PCDHGA2: variants seen among roughly 807,000 people sequenced by gnomAD.
PCDHGA2 encodes protocadherin gamma-A2.
In PCDHGA2, 40 loss-of-function variants were observed where a neutral mutation model predicts 59.2. The ratio of observed to expected loss-of-function variants is 0.68; its 90% CI spans 0.52 to 0.88. The LOEUF is 0.88. Ranked by LOEUF, PCDHGA2 falls within the 40% of genes least tolerant of loss-of-function variation. The probability of loss-of-function intolerance (pLI) is 0.00; values close to 1 mark genes in which losing one functional copy is unlikely to be tolerated. For missense variants in PCDHGA2, 1,226 were observed against 1,204.0 expected, an observed-to-expected ratio of 1.02 and a Z score of -0.27; for synonymous variants, 560 against 526.0, an observed-to-expected ratio of 1.06 and a Z score of -0.89.
At position 141,383,174 on chromosome 5, in the gene PCDHGA2, G is replaced by C. The variant is rs771829169; in HGVS notation, c.2424+41779G>C. The C allele has an allele frequency of 1.1e-5, 18 of 1,613,966 alleles. No individual in the cohort carries two copies. Among genetic ancestry groups the C allele is most frequent in the Non-Finnish European group, 1.3e-5 (15 of 1,179,984 alleles). On this transcript the variant is annotated intron_variant, in intron 1 of 3. Coordinates refer to ENST00000394576, the MANE Select transcript of PCDHGA2 (RefSeq NM_018915.4). ...TTGGTCACTGCGGGCAGGATAGACC[G>C]GGAAGAGATCTGCGCTCAGAGTGCG...
chr5:141,345,732 C>T lies in PCDHGA2; in HGVS notation c.2424+4337C>T, dbSNP rs201819603. 3,767 of 1,614,222 alleles carry T rather than the reference C, an allele frequency of 2.3e-3. 7 individuals carry two copies. The highest frequency in any genetic ancestry group is 2.9e-3 in the Non-Finnish European group (3,407 of 1,180,036). ...CGCGCCCGAGATCCTGTACCCCGCC[C>T]TCCCCACAGACGGTTCCACTGGCGT... On this transcript the variant is annotated intron_variant, in intron 1 of 3. Coordinates refer to ENST00000394576, the MANE Select transcript of PCDHGA2 (RefSeq NM_018915.4).
rs1368226100 is a variant in PCDHGA2, at chr5:141,511,268, C to T, written c.*95C>T. The stretch of plus-strand genomic sequence containing the variant: ...CAGGCCTCAGAGTTTCAGGGCTAAC[C>T]CCCAGAATACTGGTAGGGGCCAAGG... On this transcript the variant is annotated 3_prime_UTR_variant, in exon 4 of 4. Coordinates refer to ENST00000394576, the MANE Select transcript of PCDHGA2 (RefSeq NM_018915.4). 1.9e-6 allele frequency: 3 copies of T among 1,546,408 alleles called. No individual in the cohort carries two copies. The highest frequency in any genetic ancestry group is 2.4e-5 in the East Asian group (1 of 41,246).
At position 141,482,089 on chromosome 5, in the gene PCDHGA2, CAAA is replaced by C. The variant is rs36035257; in HGVS notation, c.2425-12704_2425-12702del. 2.7e-4 allele frequency among the ~76,000 whole-genome samples: 36 copies of C among 134,496 alleles called. No individual in the cohort carries two copies. The East Asian group carries it at 3.5e-3, about 13-fold the overall frequency. The allele number at this position is 134,496 out of a possible 152,430, so 88.2% of individuals were successfully genotyped here. On this transcript the variant is annotated intron_variant, in intron 1 of 3. Coordinates refer to ENST00000394576, the MANE Select transcript of PCDHGA2 (RefSeq NM_018915.4). ...AACAAGAACAAAACTCACTCCATCTCAAAAAAAAAAAAAAAATATCTAGAGATG... is the reference window on the plus strand; with the variant it reads ...AACAAGAACAAAACTCACTCCATCTCAAAAAAAAAAAAATATCTAGAGATG...
At chr5:141,478,618 G>A (rs1374855853) in intron 1 of PCDHGA2, 1 of 1,556,056 alleles carries the variant, frequency 6.4e-7, no homozygotes, top group Non-Finnish European at 8.7e-7. Flanking sequence ...GGAAGGAATG[G>A]AGCTGTTTTT....
chr5:141,415,811 A>G (rs2095960996), intron 1 of PCDHGA2: 5 of 1,340,748 alleles, frequency 3.7e-6, no homozygotes, highest in South Asian at 1.7e-5. Flanking sequence ...ATCAAGGCCT[A>G]TATATCATAA....
At chr5:141,394,992 G>T (rs1392246245) in intron 1 of PCDHGA2, 50 of 1,614,044 alleles carry the variant, frequency 3.1e-5, no homozygotes, top group Non-Finnish European at 4.2e-5. Context: ...CCTGCTCCAG[G>T]ATTCCGGTGG....
chr5:141,439,531 G>T (rs1474855779), intron 1 of PCDHGA2, among the ~76,000 whole-genome samples: 1 of 152,126 alleles, frequency 6.6e-6, no homozygotes, highest in Non-Finnish European at 1.5e-5. Context: ...TCTACAGAAC[G>T]CTGTCCTCTC....
In PCDHGA2 at chr5:141,476,178, T is replaced by G; in HGVS notation, c.2425-18629T>G. Reference sequence around the variant, plus strand: ...ACCGGGAGGGTAGTGGGAGTTTTGCTTCTGCTTGGTGCCTTGAACAAGGCT... The same window carrying G: ...ACCGGGAGGGTAGTGGGAGTTTTGCGTCTGCTTGGTGCCTTGAACAAGGCT... On this transcript the variant is annotated intron_variant, in intron 1 of 3. Transcript: ENST00000394576. This position sits in a 1 kb window ranked among gnomAD's most constrained non-coding sequence, Gnocchi z 7.6. The G allele has an allele frequency of 3.1e-6, 5 of 1,613,632 alleles. No homozygotes were observed. Among genetic ancestry groups the G allele is most frequent in the Non-Finnish European group, 4.2e-6 (5 of 1,180,000 alleles).
At chr5:141,501,606 G>A (rs2099810134) in intron 2 of PCDHGA2, among the ~76,000 whole-genome samples, 1 of 152,012 alleles carries the variant, frequency 6.6e-6, no homozygotes, top group African/African-American at 2.4e-5. Flanking sequence ...AGTTCCAGCT[G>A]TGTGACTCTG....
At chr5:141,423,567 C>T (rs771827702) in intron 1 of PCDHGA2, 4 of 1,613,602 alleles carry the variant, frequency 2.5e-6, no homozygotes, top group Admixed American at 1.7e-5. Flanking sequence ...GGGACACGCT[C>T]ATCAGCCAGG....
intron 1 of PCDHGA2, chr5:141,423,369 A>C: frequency 1.9e-6 from 3 of 1,614,104 alleles, no homozygotes; most frequent in Non-Finnish European, 2.5e-6. Flanking sequence ...TGCTGCTGGC[A>C]CTCAGGCTGT....
chr5:141,385,276 A>G (rs1315773619), intron 1 of PCDHGA2: 1 of 1,613,564 alleles, frequency 6.2e-7, no homozygotes, highest in Admixed American at 1.7e-5. Flanking sequence ...TTCTTTGCTA[A>G]CATCCGTAGA....
chr5:141,454,693 A>G (rs951819293), intron 1 of PCDHGA2, among the ~76,000 whole-genome samples: 1 of 151,738 alleles, frequency 6.6e-6, no homozygotes, highest in Non-Finnish European at 1.5e-5. Context: ...GGCATGAGCC[A>G]CCATGCTCCA....
intron 1 of PCDHGA2, chr5:141,372,218 T>G: frequency 3.1e-6 from 5 of 1,613,544 alleles, no homozygotes; most frequent in Non-Finnish European, 4.2e-6. Context: ...CCTACCACAT[T>G]GTGCAGGCCA....
At chr5:141,375,948 A>C in intron 1 of PCDHGA2, 1 of 1,613,556 alleles carries the variant, frequency 6.2e-7, no homozygotes, top group Non-Finnish European at 8.5e-7. Context: ...GTGGGCCTGC[A>C]CACGGGCGAG....
rs2099605934 is a variant in PCDHGA2, at chr5:141,485,057, C to G, written c.2425-9750C>G. On this transcript the variant is annotated intron_variant, in intron 1 of 3. Transcript: ENST00000394576. The surrounding 1 kb of genome is among the most constrained non-coding windows in gnomAD (Gnocchi z 5.7). ...GTAACCCTTGCGGCGCCGGCCGAAC[C>G]GCGCCAGAGCTGGCGCGGGGAAAGG... The G allele has an allele frequency of 1.2e-6, 1 of 843,720 alleles. No homozygotes were observed. Among genetic ancestry groups the G allele is most frequent in the Non-Finnish European group, 1.9e-6 (1 of 524,586 alleles). 52.3% of individuals were successfully genotyped at this position (843,720 alleles called of 1,614,324 possible).
chr5:141,415,686 G>T, intron 1 of PCDHGA2: 2 of 1,535,424 alleles, frequency 1.3e-6, no homozygotes, highest in Middle Eastern at 1.7e-4. Flanking sequence ...GCGGCATGAT[G>T]GTGGAAAGTG....
At chr5:141,404,855 A>G (rs370062374) in intron 1 of PCDHGA2, 13 of 1,613,704 alleles carry the variant, frequency 8.1e-6, no homozygotes, top group African/African-American at 2.7e-5. Flanking sequence ...CCTGCTAGAT[A>G]GAGATGCGCT....
In PCDHGA2 at chr5:141,366,622, G is replaced by GC. The variant is rs757320555; in HGVS notation, c.2424+25227_2424+25228insC. The GC allele has an allele frequency of 1.3e-5, 21 of 1,614,240 alleles. No individual in the cohort carries two copies. The East Asian group carries it at 4.5e-4, about 34-fold the overall frequency. On this transcript the variant is annotated intron_variant, in intron 1 of 3. Coordinates refer to ENST00000394576, the MANE Select transcript of PCDHGA2 (RefSeq NM_018915.4). The stretch of plus-strand genomic sequence containing the variant: ...AGGTCTCCCTCACCGCGGACTCGAG[G>GC]AAGAGTCACCTGATCTTTCCCCAGC...
Sources: allele counts gnomAD v4.1 joint callset (sites outside exome capture counted in the v4.1 genomes callset), GRCh38; gene constraint gnomAD v4.1.1; non-coding constraint Gnocchi (gnomAD v3.1); transcripts MANE v1.5; gene names NCBI Gene and HGNC (gene_info 2026-07-23, HGNC 2026-07-21).